IGSF5: variants seen among roughly 807,000 people sequenced by gnomAD.
IGSF5 encodes the protein immunoglobulin superfamily member 5.
In IGSF5, 41 loss-of-function variants were observed where a neutral mutation model predicts 39.4. The observed-to-expected ratio is 1.04, with a 90% CI of 0.81 to 1.35. The LOEUF is 1.35. Ranked by LOEUF, IGSF5 falls within the 40% of genes most tolerant of loss-of-function variation. The pLI is 0.00. For missense variants in IGSF5, 487 were observed against 494.6 expected, an observed-to-expected ratio of 0.98 and a Z score of 0.15; for synonymous variants, 183 against 175.3, an observed-to-expected ratio of 1.04 and a Z score of -0.34.
At chr21:39,723,110 CTTGTTGGTCCT>C in the IGSF5 span, among the ~76,000 whole-genome samples, 12 of 152,200 alleles carry the variant, frequency 7.9e-5, no homozygotes, top group Non-Finnish European at 1.8e-4. Context: ...CTGGGCACAA[CTTGTTGGTCCT>C]TTGTTCAGGG....
the IGSF5 span, among the ~76,000 whole-genome samples, chr21:39,723,522 A>G: frequency 1.3e-5 from 2 of 152,204 alleles, no homozygotes; most frequent in African/African-American, 2.4e-5. Flanking sequence ...GAGTATGATT[A>G]CTGGAGGCAG....
intron 6 of IGSF5, among the ~76,000 whole-genome samples, chr21:39,790,627 C>T (rs1431892823): frequency 6.6e-6 from 1 of 152,154 alleles, no homozygotes; most frequent in Admixed American, 6.5e-5. Context: ...CACTGCACTC[C>T]AACCTGGGTG....
chr21:39,752,592 G>A (rs2080011065), intron 2 of IGSF5, among the ~76,000 whole-genome samples: 2 of 152,272 alleles, frequency 1.3e-5, no homozygotes, highest in Admixed American at 1.3e-4. Context: ...ACCTCCTACT[G>A]TTTTTCATAG....
chr21:39,801,389 G>A lies in IGSF5; in HGVS notation c.*32G>A. 6.6e-7 allele frequency: 1 copy of A among 1,511,768 alleles called. No homozygotes were observed. Among genetic ancestry groups the A allele is most frequent in the South Asian group, 1.1e-5 (1 of 88,404 alleles). 93.6% of individuals were successfully genotyped at this position (1,511,768 alleles called of 1,614,324 possible). A position where few individuals can be genotyped will look rare whatever the true frequency, so the allele number is the denominator to read the frequency against. ...CTTCCCCAAGCTCCACTGAGCACTT[G>A]GCTGACAATTCAAAACACGGCGATG... is the stretch of plus-strand genomic sequence containing the variant. On this transcript the variant is annotated 3_prime_UTR_variant, in exon 9 of 9. Transcript: ENST00000380588.
intron 6 of IGSF5, among the ~76,000 whole-genome samples, chr21:39,789,684 A>G (rs2071040382): frequency 6.6e-6 from 1 of 152,226 alleles, no homozygotes; most frequent in African/African-American, 2.4e-5. Flanking sequence ...AAAGATAGGC[A>G]CAAGAAATAG....
intron 5 of IGSF5, among the ~76,000 whole-genome samples, 169 bp downstream of exon 5, chr21:39,779,474 C>G (rs971366805): frequency 7.2e-5 from 11 of 152,130 alleles, no homozygotes; most frequent in Non-Finnish European, 1.5e-4. Flanking sequence ...ATTGTTACAG[C>G]CTTTATGGAA....
At chr21:39,748,591 A>T (rs1232411692) in intron 2 of IGSF5, among the ~76,000 whole-genome samples, 1 of 151,964 alleles carries the variant, frequency 6.6e-6, no homozygotes, top group Non-Finnish European at 1.5e-5. Flanking sequence ...TCTTATAAGG[A>T]CCTGAGTCCC....
chr21:39,760,673 C>T (rs1266778161), intron 2 of IGSF5, among the ~76,000 whole-genome samples: 4 of 151,974 alleles, frequency 2.6e-5, no homozygotes, highest in East Asian at 3.9e-4. Flanking sequence ...CATGTTAAAG[C>T]GATTCTCCTG....
intron 8 of IGSF5, among the ~76,000 whole-genome samples, chr21:39,798,095 T>C (rs2087007825): frequency 6.6e-6 from 1 of 152,190 alleles, no homozygotes; most frequent in Non-Finnish European, 1.5e-5. Context: ...TTCAGATTTA[T>C]GGTCTTCACC....
At chr21:39,745,018 T>A (rs2079965958), upstream of IGSF5, among the ~76,000 whole-genome samples, 3 of 152,152 alleles carry the variant, frequency 2.0e-5, no homozygotes, top group South Asian at 6.2e-4. Context: ...CAATTATGGG[T>A]TTCAAATTTA....
At chr21:39,764,204 C>T (rs1307119214) in intron 2 of IGSF5, among the ~76,000 whole-genome samples, 1 of 152,114 alleles carries the variant, frequency 6.6e-6, no homozygotes, top group Non-Finnish European at 1.5e-5. Context: ...TTCCCTTTCA[C>T]GTGTTGTTCT....
At chr21:39,718,844 C>G in the IGSF5 span, among the ~76,000 whole-genome samples, 2 of 152,100 alleles carry the variant, frequency 1.3e-5, no homozygotes, top group Non-Finnish European at 2.9e-5. Context: ...ATTTTGGTAT[C>G]AATATGATGC....
chr21:39,748,789 T>C (rs1381084826), intron 2 of IGSF5, among the ~76,000 whole-genome samples: 1 of 143,498 alleles, frequency 7.0e-6, no homozygotes, highest in Non-Finnish European at 1.5e-5. Flanking sequence ...TTTATTTTAA[T>C]GGAGTGGTTG....
upstream of IGSF5, among the ~76,000 whole-genome samples, chr21:39,741,065 G>A (rs555632601): frequency 1.3e-5 from 2 of 152,094 alleles, no homozygotes; most frequent in East Asian, 1.9e-4. Flanking sequence ...TCAGACCAGC[G>A]CAAGGACTCT....
chr21:39,780,777 G>T (rs1019786179), intron 5 of IGSF5, among the ~76,000 whole-genome samples: 16 of 152,206 alleles, frequency 1.1e-4, no homozygotes, highest in African/African-American at 3.9e-4. Flanking sequence ...GCATTAGGCA[G>T]TTTGTGGCTT....
the IGSF5 span, among the ~76,000 whole-genome samples, chr21:39,728,726 A>T: frequency 1.3e-5 from 2 of 152,182 alleles, no homozygotes; most frequent in African/African-American, 4.8e-5. Context: ...AGAGGGAGAC[A>T]CTGCTGTCTA....
At chr21:39,756,115 AAACAAACG>A (rs1000102596) in intron 2 of IGSF5, among the ~76,000 whole-genome samples, 6 of 120,964 alleles carry the variant, frequency 5.0e-5, no homozygotes, top group African/African-American at 2.0e-4. Context: ...ACAAACAAAC[AAACAAACG>A]AAAGAATTAC....
At chr21:39,748,930 G>T (rs1410382933) in intron 2 of IGSF5, among the ~76,000 whole-genome samples, 2 of 152,118 alleles carry the variant, frequency 1.3e-5, no homozygotes, top group African/African-American at 4.8e-5. Context: ...ATACAAATGA[G>T]ACAAGTGTCT....
rs560007626 is a variant in IGSF5, at chr21:39,749,463, T to C, written c.100+3165T>C. Among the ~76,000 whole-genome samples, 558 of 152,346 alleles carry C rather than the reference T, an allele frequency of 3.7e-3. 6 individuals are homozygous for C. Among genetic ancestry groups the C allele is most frequent in the African/African-American group, 0.012 (519 of 41,588 alleles). ...CCTGACCTCAGGTGATCTGCCCGCC[T>C]TGGCCTCCCAAAGTGCTGGGATTAC... On this transcript the variant is annotated intron_variant, in intron 2 of 8. Coordinates refer to ENST00000380588, the MANE Select transcript of IGSF5 (RefSeq NM_001080444.2).
Sources: allele counts gnomAD v4.1 joint callset (sites outside exome capture counted in the v4.1 genomes callset), GRCh38; gene constraint gnomAD v4.1.1; transcripts MANE v1.5; gene names NCBI Gene and HGNC (gene_info 2026-07-23, HGNC 2026-07-21).